CYREN: variants seen among roughly 807,000 people sequenced by gnomAD.
CYREN encodes the protein cell cycle regulator of NHEJ, also known as cell cycle regulator of non-homologous end joining.
A neutral mutation model predicts 9.7 loss-of-function variants in CYREN; 7 were observed. The ratio of observed to expected loss-of-function variants is 0.72; its 90% CI spans 0.41 to 1.36. CYREN has a LOEUF of 1.36. Ranked by LOEUF, CYREN falls within the 40% of genes most tolerant of loss-of-function variation. The probability of loss-of-function intolerance (pLI) is 0.01; values close to 1 mark genes in which losing one functional copy is unlikely to be tolerated. For synonymous variants in CYREN, 76 were observed against 77.9 expected (o/e 0.98, Z 0.13); for missense variants, 215 against 198.1 (o/e 1.09, Z -0.51).
At position 135,167,779 on chromosome 7, in the gene CYREN, T is replaced by G; in HGVS notation, c.166A>C (p.Met56Leu). ...RLPATRTVYC[M>L]NEAEIVDVAL... ...ACATCAACTATCTCAGCCTCATTCA[T>G]GCAGTACACAGTCCTTGTCGCAGGG... Residue 56 changes from methionine (M) to leucine (L), a missense_variant, in exon 3 of 4, where the codon ATG becomes CTG. Physicochemically the swap from Met to Leu is conservative, Grantham distance 15. Transcript: ENST00000393114. The G allele has an allele frequency of 6.2e-7, 1 of 1,614,172 alleles. No individual in the cohort carries two copies. The highest frequency in any genetic ancestry group is 1.1e-5 in the South Asian group (1 of 91,086).
downstream of CYREN, chr7:135,164,529 T>C: frequency 6.2e-7 from 1 of 1,614,138 alleles, no homozygotes; most frequent in Non-Finnish European, 8.5e-7. Context: ...CCTGATGTTT[T>C]ACGCTCTTCT....
At chr7:135,114,797 T>C (rs908336265) in intron 2 of CYREN, among the ~76,000 whole-genome samples, 1 of 152,182 alleles carries the variant, frequency 6.6e-6, no homozygotes, top group African/African-American at 2.4e-5. Context: ...CAGCACAATC[T>C]TGTCCAAACA....
chr7:135,116,858 A>G (rs563457141), intron 2 of CYREN, among the ~76,000 whole-genome samples: 1 of 152,172 alleles, frequency 6.6e-6, no homozygotes, highest in East Asian at 1.9e-4. Context: ...CCTTTTCTAC[A>G]CAGTACAGGC....
At chr7:135,167,005 C>T (rs901877624) in intron 3 of CYREN, 134 bp from the exon 4 acceptor site, 17 of 1,482,040 alleles carry the variant, frequency 1.1e-5, no homozygotes, top group Non-Finnish European at 1.3e-5. Flanking sequence ...GTACCCATAT[C>T]CTGAGCACCC....
In CYREN at chr7:135,156,164, C is replaced by T. The variant is rs190045435; in HGVS notation, n.356+12585G>A. Among the ~76,000 whole-genome samples the T allele has an allele frequency of 5.2e-3, 798 of 152,180 alleles. 9 individuals carry two copies. Among genetic ancestry groups the T allele is most frequent in the African/African-American group, 0.018 (767 of 41,522 alleles). On this transcript the variant is annotated intron_variant and non_coding_transcript_variant, in intron 2 of 2. Coordinates refer to the CYREN transcript ENST00000459937. ...CTTTATAGGTGACTAGTCACTTTTG[C>T]TAATTTTAAAATTCTTTCTTTCACT...
chr7:135,098,463 G>C (rs1412565876), intron 2 of CYREN, among the ~76,000 whole-genome samples: 2 of 152,190 alleles, frequency 1.3e-5, no homozygotes, highest in African/African-American at 4.8e-5. Context: ...TGGTACAGAT[G>C]CATTTTTTTC....
intron 2 of CYREN, among the ~76,000 whole-genome samples, chr7:135,142,333 T>G (rs1004697837): frequency 6.6e-6 from 1 of 152,184 alleles, no homozygotes; most frequent in Non-Finnish European, 1.5e-5. Context: ...TATGATTTTC[T>G]TAATAGTTTC....
rs546993775 is a variant in CYREN, at chr7:135,123,617, G to GA, written n.357-29036dup. The stretch of plus-strand genomic sequence containing the variant: ...CAGATTCTCTAAGGTCAAAATGAAG[G>GA]AAAAAATGTTAAGGGCAGCCAGAGA... On this transcript the variant is annotated intron_variant and non_coding_transcript_variant, in intron 2 of 2. Transcript: ENST00000459937. 2.6e-5 allele frequency among the ~76,000 whole-genome samples: 4 copies of GA among 152,156 alleles called. No homozygotes were observed. In the South Asian group the frequency reaches 6.2e-4, roughly 24 times the overall value.
chr7:135,164,650 T>C (rs1218320037), downstream of CYREN: 4 of 1,613,072 alleles, frequency 2.5e-6, no homozygotes, highest in Non-Finnish European at 2.5e-6. Context: ...TTCCCTGAGC[T>C]GGAAGCCCTG....
chr7:135,148,161 T>C (rs1829586055), intron 2 of CYREN: 1 of 439,106 alleles, frequency 2.3e-6, no homozygotes, highest in Non-Finnish European at 4.5e-6. Context: ...ACTCCTCCTT[T>C]CTGGAGTCTG....
intron 2 of CYREN, among the ~76,000 whole-genome samples, chr7:135,107,835 G>A (rs1160029163): frequency 1.4e-4 from 21 of 152,130 alleles, no homozygotes; most frequent in Admixed American, 1.4e-3. Flanking sequence ...ACTATTTTGT[G>A]TGGGAATCTA....
chr7:135,137,850 G>T (rs556526926), intron 2 of CYREN, among the ~76,000 whole-genome samples: 1 of 152,004 alleles, frequency 6.6e-6, no homozygotes, highest in Non-Finnish European at 1.5e-5. Flanking sequence ...CAGTCATCTT[G>T]GTTTGCAGGT....
At position 135,134,807 on chromosome 7, in the gene CYREN, G is replaced by A. The variant is rs1196933498; in HGVS notation, n.356+33942C>T. ...TAGGACTACAAAGTAGGTCCATGAT[G>A]GACAAAAATTCACGTATTTCATTTC... On this transcript the variant is annotated intron_variant and non_coding_transcript_variant, in intron 2 of 2. Coordinates refer to the CYREN transcript ENST00000459937. The A allele has an allele frequency of 5.2e-6, 8 of 1,534,648 alleles. No individual in the cohort carries two copies. In the East Asian group the frequency reaches 2.0e-4, roughly 38 times the overall value.
In CYREN at chr7:135,166,323, C is replaced by A. The variant is rs1830129403; in HGVS notation, c.*288G>T. 2 of 327,542 alleles carry A rather than the reference C, an allele frequency of 6.1e-6. No homozygotes were observed. The highest frequency in any genetic ancestry group is 4.6e-5 in the Admixed American group (1 of 21,592). The allele number at this position is 327,542 out of a possible 1,614,324, so 20.3% of individuals were successfully genotyped here. A position where few individuals can be genotyped will look rare whatever the true frequency, so the allele number is the denominator to read the frequency against. Reference sequence around the variant, plus strand: ...GAACCTGGTCACTGACTAACACAGACAATTGGGACTCCAGAGCCTCAAGAG... The same window carrying A: ...GAACCTGGTCACTGACTAACACAGAAAATTGGGACTCCAGAGCCTCAAGAG... On this transcript the variant is annotated 3_prime_UTR_variant, in exon 4 of 4. Transcript: ENST00000393114.
At chr7:135,122,800 G>A (rs772961906) in intron 2 of CYREN, among the ~76,000 whole-genome samples, 5 of 152,124 alleles carry the variant, frequency 3.3e-5, no homozygotes, top group African/African-American at 9.7e-5. Context: ...CTATAGAAAA[G>A]GGACCTGACC....
At chr7:135,129,716 A>G in intron 2 of CYREN, 1 of 748,026 alleles carries the variant, frequency 1.3e-6, no homozygotes, top group Non-Finnish European at 2.5e-6. Context: ...AAGATATGGA[A>G]GTGGATTGGT....
intron 2 of CYREN, among the ~76,000 whole-genome samples, chr7:135,100,303 G>T (rs1823634189): frequency 6.6e-6 from 1 of 152,152 alleles, no homozygotes; most frequent in African/African-American, 2.4e-5. Context: ...GGTCATGGGG[G>T]GATAAAACTA....
At chr7:135,110,467 A>G (rs945092585) in intron 2 of CYREN, among the ~76,000 whole-genome samples, 2 of 152,068 alleles carry the variant, frequency 1.3e-5, no homozygotes, top group Admixed American at 1.3e-4. Flanking sequence ...TATGTGTCAG[A>G]CTGCAGGAAT....
intron 2 of CYREN, among the ~76,000 whole-genome samples, chr7:135,108,139 T>C (rs1168234213): frequency 1.3e-5 from 2 of 152,134 alleles, no homozygotes; most frequent in East Asian, 3.8e-4. Flanking sequence ...GAAGATAGCA[T>C]ACCATTAGAT....
Sources: gnomAD v4.1 joint callset for allele counts (sites outside exome capture counted in the v4.1 genomes callset) on GRCh38, gnomAD v4.1.1 for gene constraint, MANE v1.5 for transcripts, NCBI Gene and HGNC (gene_info 2026-07-23, HGNC 2026-07-21) for gene names.